The following BFSP1 variants were observed in gnomAD, a reference collection of about 807,000 sequenced individuals.
BFSP1 encodes the protein filensin.
BFSP1 carries 38 observed loss-of-function variants against 43.9 expected under a neutral mutation model. The ratio of observed to expected loss-of-function variants is 0.87; its 90% CI spans 0.67 to 1.14. The LOEUF is 1.14. Ranked by LOEUF, BFSP1 falls within the 50% of genes most tolerant of loss-of-function variation. The pLI, the probability that BFSP1 is intolerant of heterozygous loss-of-function variation, is 0.00. For missense variants in BFSP1, 850 were observed against 875.1 expected (o/e 0.97, Z 0.36); for synonymous variants, 352 against 354.8 (o/e 0.99, Z 0.09).
chr20:17,546,273 C>A, intron 1 of BFSP1, among the ~76,000 whole-genome samples: 1 of 152,182 alleles, frequency 6.6e-6, no homozygotes, highest in East Asian at 1.9e-4. Context: ...GCAAGAAGAA[C>A]TACCATTTAT....
At chr20:17,514,694 G>A (rs754010790) in intron 3 of BFSP1, 27 bp downstream of exon 3, 4 of 1,608,286 alleles carry the variant, frequency 2.5e-6, no homozygotes, top group Non-Finnish European at 3.4e-6. Context: ...GTTTTCTAGA[G>A]GAAGGGCTTC....
rs1334233542 is a variant in BFSP1 at position 17,507,541 on chromosome 20, G to T, written c.735+1348C>A. 6.6e-6 allele frequency among the ~76,000 whole-genome samples: 1 copy of T among 151,594 alleles called. No individual in the cohort carries two copies. The highest frequency in any genetic ancestry group is 2.4e-5 in the African/African-American group (1 of 41,224). ...GGACCACGACTGGGCTTGTATCCAC[G>T]TCCCTATTCACATACACAGCACACA... is the stretch of plus-strand genomic sequence containing the variant. On this transcript the variant is annotated intron_variant, in intron 5 of 7. Transcript: ENST00000377873. The surrounding 1 kb of genome is among the most constrained non-coding windows in gnomAD (Gnocchi z 4.4).
At chr20:17,520,212 C>CA (rs2034290747) in intron 2 of BFSP1, among the ~76,000 whole-genome samples, 2 of 136,612 alleles carry the variant, frequency 1.5e-5, no homozygotes, top group African/African-American at 2.9e-5. Context: ...TTTAACGTGC[C>CA]CCCCCACCCC....
intron 1 of BFSP1, chr20:17,541,230 A>C (rs2034712122): frequency 1.0e-6 from 1 of 975,316 alleles, no homozygotes. Context: ...AGTGAATATT[A>C]GATAGAAACT....
Position 17,538,709 on chromosome 20 carries a change from G to C in BFSP1, c.3-13801C>G, listed in dbSNP as rs6044869. On this transcript the variant is annotated intron_variant, in intron 1 of 7. Transcript: ENST00000377868. ...TCGTCATTCTGGTTATGCATGAAAA[G>C]CAGCCCTTCCCATGACCTCAGAAAT... is the stretch of plus-strand genomic sequence containing the variant. Among the ~76,000 whole-genome samples, 1,428 of 152,280 alleles carry C rather than the reference G, an allele frequency of 9.4e-3. 19 individuals are homozygous for C. The highest frequency in any genetic ancestry group is 0.032 in the African/African-American group (1,349 of 41,544).
intron 1 of BFSP1, among the ~76,000 whole-genome samples, chr20:17,552,371 T>C (rs898941976): frequency 9.9e-5 from 15 of 151,990 alleles, no homozygotes; most frequent in African/African-American, 3.6e-4. Context: ...CAGGTGAGGA[T>C]AGAGTGCGGG....
chr20:17,521,449 G>A (rs1215762105), intron 2 of BFSP1, among the ~76,000 whole-genome samples: 1 of 152,100 alleles, frequency 6.6e-6, no homozygotes, highest in Non-Finnish European at 1.5e-5. Context: ...GATGTCCCAC[G>A]GCCACACCCA....
rs756823445 is a variant in BFSP1 at position 17,494,521 on chromosome 20, G to A, written c.1551C>T (p.Pro517=). The change falls in exon 8 of 8, where the codon CCC becomes CCT. Residue 517 remains proline (P), a synonymous_variant. Coordinates refer to ENST00000377873, the MANE Select transcript of BFSP1 (RefSeq NM_001195.5). ...DGQVEPSPES[P]KPPLENGQVG... ...CCTGCCCATTCTCTAAAGGGGGCTTGGGTGACTCAGGAGAGGGCTCCACCT... is the reference window on the plus strand; with the variant it reads ...CCTGCCCATTCTCTAAAGGGGGCTTAGGTGACTCAGGAGAGGGCTCCACCT... The A allele has an allele frequency of 1.9e-6, 3 of 1,614,080 alleles. No individual in the cohort carries two copies. Among genetic ancestry groups the A allele is most frequent in the African/African-American group, 1.3e-5 (1 of 74,938 alleles).
chr20:17,559,501 G>C (rs972205038), upstream of BFSP1, among the ~76,000 whole-genome samples: 1 of 152,184 alleles, frequency 6.6e-6, no homozygotes, highest in African/African-American at 2.4e-5. Context: ...GGTGCACCTT[G>C]CAGAGGTCCT....
chr20:17,545,810 C>T (rs2034790881), intron 1 of BFSP1, among the ~76,000 whole-genome samples: 1 of 152,226 alleles, frequency 6.6e-6, no homozygotes, highest in Admixed American at 6.5e-5. Context: ...TTTAAATCAA[C>T]AGAATAATAC....
chr20:17,534,653 T>C (rs1600670316), upstream of BFSP1, among the ~76,000 whole-genome samples: 1 of 152,182 alleles, frequency 6.6e-6, no homozygotes. Context: ...ATAAAAATGT[T>C]AATATCATAA....
chr20:17,557,616 G>T (rs1032186434), intron 1 of BFSP1, among the ~76,000 whole-genome samples: 1 of 152,146 alleles, frequency 6.6e-6, no homozygotes, highest in Admixed American at 6.5e-5. Context: ...CTTCTTCCAG[G>T]TCTCTTGCCT....
chr20:17,517,373 C>T lies in BFSP1; in HGVS notation c.439-2557G>A. The T allele has an allele frequency of 3.3e-6, 3 of 921,752 alleles. 1 individual carries two copies. The South Asian group carries it at 4.0e-5, about 12-fold the overall frequency. 57.1% of individuals were successfully genotyped at this position (921,752 alleles called of 1,614,324 possible). A position where few individuals can be genotyped will look rare whatever the true frequency, so the allele number is the denominator to read the frequency against. Reference sequence around the variant, plus strand: ...AACAAAACAAACAAACAAACAAAATCATTTCCTTTTGCGTTTCCTCCTGCC... The same window carrying T: ...AACAAAACAAACAAACAAACAAAATTATTTCCTTTTGCGTTTCCTCCTGCC... On this transcript the variant is annotated intron_variant, in intron 2 of 7. Coordinates refer to ENST00000377873, the MANE Select transcript of BFSP1 (RefSeq NM_001195.5).
rs756844704 is a variant in BFSP1 at position 17,494,401 on chromosome 20, T to C, written c.1671A>G (p.Glu557=). 6.2e-7 allele frequency: 1 copy of C among 1,614,228 alleles called. No individual in the cohort carries two copies. The highest frequency in any genetic ancestry group is 1.7e-5 in the Admixed American group (1 of 60,028). Residue 557 remains glutamate, a synonymous_variant, in exon 8 of 8, where the codon GAA becomes GAG. Transcript: ENST00000377873. The part of the protein sequence containing the change: ...EPDGAELEGP[E]EKREGEERDE... ...CCCGCTCCTCACCCTCACGTTTCTC[T>C]TCAGGGCCTTCCAGCTCTGCACCAT...
rs1004385539 is a variant in BFSP1 at position 17,507,653 on chromosome 20, A to C, written c.735+1236T>G. 1.3e-5 allele frequency among the ~76,000 whole-genome samples: 2 copies of C among 151,674 alleles called. No homozygotes were observed. The highest frequency in any genetic ancestry group is 2.9e-5 in the Non-Finnish European group (2 of 67,922). On this transcript the variant is annotated intron_variant, in intron 5 of 7. Transcript: ENST00000377873. The surrounding 1 kb of genome is among the most constrained non-coding windows in gnomAD (Gnocchi z 4.4). ...CATACCATGTATATCACACACACAC[A>C]CCCCATGTACACAAACACATACAAC... is the stretch of plus-strand genomic sequence containing the variant.
At chr20:17,537,415 C>T (rs1301431431) in intron 1 of BFSP1, among the ~76,000 whole-genome samples, 2 of 152,098 alleles carry the variant, frequency 1.3e-5, no homozygotes, top group African/African-American at 4.8e-5. Context: ...GAGAAACACA[C>T]TCAGAAGCAA....
At chr20:17,536,517 A>C (rs1424048428) in intron 1 of BFSP1, among the ~76,000 whole-genome samples, 1 of 152,244 alleles carries the variant, frequency 6.6e-6, no homozygotes, top group Non-Finnish European at 1.5e-5. Context: ...AGGTGATAGA[A>C]TGAGACCCTG....
At chr20:17,511,608 G>A (rs1409627503) in intron 4 of BFSP1, among the ~76,000 whole-genome samples, 4 of 152,140 alleles carry the variant, frequency 2.6e-5, no homozygotes, top group Admixed American at 2.6e-4. Flanking sequence ...ACCAAGTGCT[G>A]GCAAGGACAG....
In BFSP1 at chr20:17,494,918, G is replaced by A. The variant is rs1324621902; in HGVS notation, c.1154C>T (p.Ala385Val). 1 of 1,614,114 alleles carries A rather than the reference G, an allele frequency of 6.2e-7. No homozygotes were observed. The highest frequency in any genetic ancestry group is 8.5e-7 in the Non-Finnish European group (1 of 1,180,018). Residue 385 changes from alanine (A) to valine (V), a missense_variant, in exon 8 of 8, where the codon GCT (alanine) becomes GTT (valine). Physicochemically the swap from Ala to Val is moderately conservative, Grantham distance 64. Coordinates refer to ENST00000377873, the MANE Select transcript of BFSP1 (RefSeq NM_001195.5). ...EIITKDKTNG[A>V]LEDAPLKGLE... Reference sequence around the variant, plus strand: ...ACCTTTTAATGGTGCATCTTCCAGAGCTCCGTTGGTTTTGTCTTTTGTTAT... The same window carrying A: ...ACCTTTTAATGGTGCATCTTCCAGAACTCCGTTGGTTTTGTCTTTTGTTAT...
Sources: gnomAD v4.1 joint callset for allele counts (sites outside exome capture counted in the v4.1 genomes callset) on GRCh38, gnomAD v4.1.1 for gene constraint, Gnocchi (gnomAD v3.1) non-coding constraint, MANE v1.5 for transcripts, NCBI Gene and HGNC (gene_info 2026-07-23, HGNC 2026-07-21) for gene names.